The following S100A16 variants were observed in gnomAD, a reference collection of about 807,000 sequenced individuals.
S100A16 encodes the protein protein S100-A16.
In S100A16, 8 loss-of-function variants were observed where a neutral mutation model predicts 9.0. The observed-to-expected ratio is 0.89, with a 90% CI of 0.52 to 1.60. The LOEUF (loss-of-function observed/expected upper bound fraction) is 1.60. Ranked by LOEUF, S100A16 falls within the 40% of genes most tolerant of loss-of-function variation. S100A16 has a pLI of 0.00. For synonymous variants in S100A16, 51 were observed against 51.4 expected (o/e 0.99, Z 0.04); for missense variants, 138 against 132.4 (o/e 1.04, Z -0.21).
chr1:153,608,035 G>C lies in S100A16; in HGVS notation c.117C>G (p.Arg39=), dbSNP rs199687860. 2 of 1,614,036 alleles carry C rather than the reference G, an allele frequency of 1.2e-6. No individual in the cohort carries two copies. The highest frequency in any genetic ancestry group is 1.7e-6 in the Non-Finnish European group (2 of 1,179,960). ...GGTTCAGCTCTTTCTGGAGCATCTC[G>C]CGGAAGCTGCTCTTGCTGATCTTGT... is the stretch of plus-strand genomic sequence containing the variant. ...VKNKISKSSF[R]EMLQKELNHM... The change falls in exon 2 of 3, where the codon CGC becomes CGG. Residue 39 remains arginine (R), a synonymous_variant. Transcript: ENST00000368706.
intron 1 of S100A16, among the ~76,000 whole-genome samples, chr1:153,611,642 C>T (rs1666836833): frequency 2.0e-5 from 3 of 152,152 alleles, no homozygotes; most frequent in Admixed American, 6.5e-5. Flanking sequence ...CATTCATTCC[C>T]TTTTTCATTT....
Position 153,607,377 on chromosome 1 carries a change from T to G in S100A16, c.*157A>C. On this transcript the variant is annotated 3_prime_UTR_variant, in exon 3 of 3. Coordinates refer to ENST00000368706, the MANE Select transcript of S100A16 (RefSeq NM_080388.3). ...GGGAGGTACCTCTAGACTGAGACAC[T>G]CACAAAGGGACCCCAGTTCAGCAAG... 1 of 849,482 alleles carries G rather than the reference T, an allele frequency of 1.2e-6. No individual in the cohort carries two copies. The highest frequency in any genetic ancestry group is 1.7e-5 in the South Asian group (1 of 58,508). 52.6% of individuals were successfully genotyped at this position (849,482 alleles called of 1,614,324 possible).
At chr1:153,611,685 G>A (rs556962181) in intron 1 of S100A16, among the ~76,000 whole-genome samples, 54 of 151,820 alleles carry the variant, frequency 3.6e-4, no homozygotes, top group Non-Finnish European at 6.9e-4. Context: ...CAATATATAG[G>A]GAAGGTGCCA....
rs1400873370 is a variant in S100A16, at chr1:153,607,403, G to A, written c.*131C>T. The A allele has an allele frequency of 2.5e-5, 26 of 1,037,152 alleles. No individual in the cohort carries two copies. The highest frequency in any genetic ancestry group is 3.4e-5 in the Non-Finnish European group (24 of 698,624). 64.2% of individuals were successfully genotyped at this position (1,037,152 alleles called of 1,614,324 possible). ...CACAAAGGGACCCCAGTTCAGCAAG[G>A]GTCAGAGGAAGGTCTGGAGGGAGAA... On this transcript the variant is annotated 3_prime_UTR_variant, in exon 3 of 3. Coordinates refer to ENST00000368706, the MANE Select transcript of S100A16 (RefSeq NM_080388.3).
chr1:153,610,660 G>A (rs529108234), intron 1 of S100A16, among the ~76,000 whole-genome samples: 13 of 152,262 alleles, frequency 8.5e-5, no homozygotes, highest in South Asian at 2.1e-4. Context: ...CCCCACCTTC[G>A]GTAAAATGGA....
In S100A16 at chr1:153,607,448, T is replaced by C. The variant is rs1312756406; in HGVS notation, c.*86A>G. On this transcript the variant is annotated 3_prime_UTR_variant, in exon 3 of 3. Coordinates refer to ENST00000368706, the MANE Select transcript of S100A16 (RefSeq NM_080388.3). ...GGAGAAGAGAGTAAAGGGCCCTGGG[T>C]GGGCAGGAGGCTGAGGAGGGAGCCT... 1 of 1,507,364 alleles carries C rather than the reference T, an allele frequency of 6.6e-7. No homozygotes were observed. 93.4% of individuals were successfully genotyped at this position (1,507,364 alleles called of 1,614,324 possible).
intron 1 of S100A16, among the ~76,000 whole-genome samples, chr1:153,609,788 A>G (rs9660416): frequency 0.11 from 16,842 of 152,054 alleles, 1,621 homozygotes; most frequent in African/African-American, 0.27. Flanking sequence ...GTCCTTGACC[A>G]CCTTTTAAGC....
At chr1:153,610,360 G>A (rs930037058) in intron 1 of S100A16, among the ~76,000 whole-genome samples, 6 of 152,204 alleles carry the variant, frequency 3.9e-5, no homozygotes, top group Admixed American at 3.3e-4. Flanking sequence ...GAGGAAGAGG[G>A]AAGGAAATGG....
chr1:153,607,688 G>A lies in S100A16; in HGVS notation c.158C>T (p.Thr53Ile). 1 of 1,614,172 alleles carries A rather than the reference G, an allele frequency of 6.2e-7. No individual in the cohort carries two copies. The highest frequency in any genetic ancestry group is 8.5e-7 in the Non-Finnish European group (1 of 1,180,014). Residue 53 changes from threonine (T) to isoleucine (I), a missense_variant, in exon 3 of 3, where the codon ACA becomes ATA. Physicochemically the swap from Thr to Ile is moderately conservative, Grantham distance 89. Coordinates refer to ENST00000368706, the MANE Select transcript of S100A16 (RefSeq NM_080388.3). ...CTTATCCGCAGCCTTCCGGTTCCCTGTGTCCTGGGGAGGAAGCAGGGTCAG... is the reference window on the plus strand; with the variant it reads ...CTTATCCGCAGCCTTCCGGTTCCCTATGTCCTGGGGAGGAAGCAGGGTCAG... ...QKELNHMLSD[T>I]GNRKAADKLI... is the part of the protein sequence containing the mutation.
At chr1:153,611,868 C>T (rs1305065799) in intron 1 of S100A16, among the ~76,000 whole-genome samples, 1 of 93,012 alleles carries the variant, frequency 1.1e-5, no homozygotes, top group Non-Finnish European at 2.5e-5. Context: ...CCTGCCTCAC[C>T]CCTTACCATC....
At chr1:153,611,559 A>G (rs1666835603) in intron 1 of S100A16, among the ~76,000 whole-genome samples, 1 of 152,010 alleles carries the variant, frequency 6.6e-6, no homozygotes, top group Non-Finnish European at 1.5e-5. Context: ...TCATTCATTT[A>G]TTGGCTCATT....
Position 153,608,018 on chromosome 1 carries a change from T to A in S100A16, c.134A>T (p.Glu45Val), listed in dbSNP as rs745462916. 3 of 1,614,000 alleles carry A rather than the reference T, an allele frequency of 1.9e-6. No individual in the cohort carries two copies. In the Admixed American group the frequency reaches 5.0e-5, roughly 27 times the overall value. The change falls in exon 2 of 3, where the codon GAG becomes GTG. Residue 45 changes from glutamate to valine, a missense_variant. By Grantham distance (121) the Glu-to-Val change is moderately radical. Transcript: ENST00000368706. ...CCTTACCGACAGCATGTGGTTCAGC[T>A]CTTTCTGGAGCATCTCGCGGAAGCT... ...KSSFREMLQKELNHMLSDTGN... is the reference protein window; with the variant it reads ...KSSFREMLQKVLNHMLSDTGN...
intron 1 of S100A16, among the ~76,000 whole-genome samples, chr1:153,608,684 C>A (rs1239485564): frequency 1.2e-4 from 18 of 152,218 alleles, no homozygotes; most frequent in Non-Finnish European, 2.2e-4. Flanking sequence ...AAGATGTAGG[C>A]CTTCCCCAAT....
At chr1:153,610,831 C>T (rs1467533256) in intron 1 of S100A16, among the ~76,000 whole-genome samples, 1 of 150,764 alleles carries the variant, frequency 6.6e-6, no homozygotes, top group Non-Finnish European at 1.5e-5. Context: ...GCCACCTGCT[C>T]CTCCCGCCTG....
At chr1:153,608,849 C>A (rs1007571093) in intron 1 of S100A16, 4 of 886,894 alleles carry the variant, frequency 4.5e-6, no homozygotes, top group Admixed American at 6.2e-5. Flanking sequence ...TTATTCCCAT[C>A]CCTAAATACA....
intron 1 of S100A16, among the ~76,000 whole-genome samples, chr1:153,612,489 G>A (rs537031422): frequency 2.2e-4 from 33 of 152,140 alleles, no homozygotes; most frequent in Admixed American, 5.2e-4. Flanking sequence ...TCCTCTTCTC[G>A]GAATCTCAGG....
chr1:153,611,038 C>G (rs1001884878), intron 1 of S100A16, among the ~76,000 whole-genome samples: 3 of 152,012 alleles, frequency 2.0e-5, no homozygotes, highest in Non-Finnish European at 4.4e-5. Context: ...ACCACGTGTC[C>G]TCCAATGGGC....
chr1:153,610,817 A>G (rs1373262497), intron 1 of S100A16, among the ~76,000 whole-genome samples: 1 of 148,164 alleles, frequency 6.7e-6, no homozygotes, highest in Non-Finnish European at 1.5e-5. Flanking sequence ...CACCCACCCC[A>G]CAAGCCACCT....
chr1:153,607,630 C>T lies in S100A16; in HGVS notation c.216G>A (p.Gly72=). Residue 72 remains glycine (G), a synonymous_variant, in exon 3 of 3, where the codon GGG becomes GGA. Coordinates refer to ENST00000368706, the MANE Select transcript of S100A16 (RefSeq NM_080388.3). ...LIQNLDANHD[G]RISFDEYWTL... is the part of the protein sequence containing the mutation. Reference sequence around the variant, plus strand: ...TCCAGTACTCATCGAAGCTGATGCGCCCATCATGATTGGCATCCAGGTTCT... The same window carrying T: ...TCCAGTACTCATCGAAGCTGATGCGTCCATCATGATTGGCATCCAGGTTCT... 2 of 1,614,190 alleles carry T rather than the reference C, an allele frequency of 1.2e-6. No homozygotes were observed. Among genetic ancestry groups the T allele is most frequent in the Non-Finnish European group, 1.7e-6 (2 of 1,180,014 alleles).
Sources: gnomAD v4.1 joint callset for allele counts (sites outside exome capture counted in the v4.1 genomes callset) on GRCh38, gnomAD v4.1.1 for gene constraint, MANE v1.5 for transcripts, NCBI Gene and HGNC (gene_info 2026-07-23, HGNC 2026-07-21) for gene names.